Variants in DOK6 observed in about 807,000 individuals in gnomAD.
The protein encoded by DOK6 is downstream of tyrosine kinase 6.
Under a neutral mutation model 44.0 loss-of-function variants are expected in DOK6, and 22 were observed. That is an observed-to-expected ratio of 0.50 (90% CI 0.36 to 0.71). The LOEUF (loss-of-function observed/expected upper bound fraction) is 0.71, where lower values mean the gene tolerates loss of function less well. DOK6 is among the 30% of genes least tolerant of loss of function. DOK6 has a pLI of 0.00. For synonymous variants in DOK6, 166 were observed against 145.5 expected (o/e 1.14, Z -1.01); for missense variants, 340 against 416.4 (o/e 0.82, Z 1.60).
chr18:69,763,241 A>T (rs965860001), intron 7 of DOK6, among the ~76,000 whole-genome samples: 5 of 152,222 alleles, frequency 3.3e-5, no homozygotes, highest in Admixed American at 2.0e-4. Context: ...TAGCAGGTTG[A>T]GTTATGCCAC....
At chr18:69,471,725 A>C in intron 1 of DOK6, 1 of 152,160 alleles carries the variant, frequency 6.6e-6, no homozygotes, top group Non-Finnish European at 1.5e-5. Context: ...TAATCAATAA[A>C]TATCGAATGA....
At chr18:69,828,240 G>A (rs1472862007) in intron 7 of DOK6, among the ~76,000 whole-genome samples, 2 of 151,624 alleles carry the variant, frequency 1.3e-5, no homozygotes, top group African/African-American at 2.4e-5. Context: ...CATTCCTCTT[G>A]TTAATCAACA....
At chr18:69,559,445 C>T (rs17775300) in intron 1 of DOK6, among the ~76,000 whole-genome samples, 28,710 of 152,014 alleles carry the variant, frequency 0.19, 3,101 homozygotes, top group Middle Eastern at 0.35. Flanking sequence ...TCAATTAAGA[C>T]TCCAAATCCA....
chr18:69,557,478 G>C (rs1982716685), intron 1 of DOK6, among the ~76,000 whole-genome samples: 1 of 152,182 alleles, frequency 6.6e-6, no homozygotes, highest in Non-Finnish European at 1.5e-5. Flanking sequence ...CCTTGAAAAG[G>C]AGAAAGAACT....
rs529222850 is a variant in DOK6 at position 69,606,835 on chromosome 18, C to T, written c.289+7337C>T. ...CTGGAGTGCAGTGGCGCAATCTCGGCCCACTGCAACCTCCGCCTCCCAGGT... is the reference window on the plus strand; with the variant it reads ...CTGGAGTGCAGTGGCGCAATCTCGGTCCACTGCAACCTCCGCCTCCCAGGT... On this transcript the variant is annotated intron_variant, in intron 3 of 7. Coordinates refer to ENST00000382713, the MANE Select transcript of DOK6 (RefSeq NM_152721.6). Among the ~76,000 whole-genome samples the T allele has an allele frequency of 1.7e-3, 259 of 149,476 alleles. 2 individuals carry two copies. Among genetic ancestry groups the T allele is most frequent in the African/African-American group, 6.2e-3 (250 of 40,312 alleles).
In DOK6 at chr18:69,720,195, A is replaced by T. The variant is rs146892277; in HGVS notation, c.600-18770A>T. Among the ~76,000 whole-genome samples the T allele has an allele frequency of 2.2e-4, 34 of 152,218 alleles. No homozygotes were observed. In the East Asian group the frequency reaches 6.6e-3, roughly 29 times the overall value. Reference sequence around the variant, plus strand: ...CAGAGGGAGACTGACTCAAAAAAAAAATTTTTTTTTTAAAGCATGAAACCA... The same window carrying T: ...CAGAGGGAGACTGACTCAAAAAAAATATTTTTTTTTTAAAGCATGAAACCA... On this transcript the variant is annotated intron_variant, in intron 5 of 7. Transcript: ENST00000382713.
chr18:69,502,249 A>T (rs1470979793), intron 1 of DOK6, among the ~76,000 whole-genome samples: 2 of 152,108 alleles, frequency 1.3e-5, no homozygotes. Flanking sequence ...ACGAATTTGA[A>T]TGTCTGAAAA....
intron 1 of DOK6, among the ~76,000 whole-genome samples, chr18:69,541,559 T>C (rs1301678703): frequency 6.6e-6 from 1 of 151,508 alleles, no homozygotes; most frequent in African/African-American, 2.4e-5. Flanking sequence ...TCGATACTGG[T>C]CCTTTATTAA....
chr18:69,647,060 T>TATCTATCTGTCTACCCC (rs1555719739), intron 3 of DOK6, among the ~76,000 whole-genome samples: 1 of 137,446 alleles, frequency 7.3e-6, no homozygotes, highest in African/African-American at 2.7e-5. Flanking sequence ...CTGTCTATCC[T>TATCTATCTGTCTACCCC]ATCTGTCTAT....
chr18:69,482,705 C>A (rs1980463107), intron 1 of DOK6, among the ~76,000 whole-genome samples: 1 of 151,608 alleles, frequency 6.6e-6, no homozygotes, highest in African/African-American at 2.4e-5. Flanking sequence ...TGCTATGCAT[C>A]CTTATGTATA....
intron 7 of DOK6, among the ~76,000 whole-genome samples, chr18:69,790,228 G>A (rs1980551559): frequency 1.5e-5 from 2 of 131,796 alleles, no homozygotes; most frequent in South Asian, 5.4e-4. Flanking sequence ...AGAACACATG[G>A]ACACAGGGAG....
chr18:69,509,384 TC>T (rs1981285644), intron 1 of DOK6, among the ~76,000 whole-genome samples: 1 of 152,108 alleles, frequency 6.6e-6, no homozygotes, highest in Admixed American at 6.5e-5. Flanking sequence ...ACGCCTGTAA[TC>T]CCAGCACTTT....
chr18:69,689,794 T>C (rs1382372100), intron 4 of DOK6, among the ~76,000 whole-genome samples: 1 of 152,178 alleles, frequency 6.6e-6, no homozygotes, highest in Admixed American at 6.5e-5. Flanking sequence ...TATTGCATCT[T>C]AATTTACATT....
intron 1 of DOK6, among the ~76,000 whole-genome samples, chr18:69,433,299 T>C: frequency 6.6e-6 from 1 of 152,180 alleles, no homozygotes; most frequent in East Asian, 1.9e-4. Context: ...TCCTGAATTT[T>C]TTTTCTGAGA....
intron 1 of DOK6, among the ~76,000 whole-genome samples, chr18:69,526,994 C>A (rs867049504): frequency 6.6e-6 from 1 of 152,286 alleles, no homozygotes; most frequent in Middle Eastern, 3.4e-3. Context: ...ACCTTCTGCT[C>A]AGAAGAACAA....
At chr18:69,713,206 G>A (rs1348610792) in intron 5 of DOK6, among the ~76,000 whole-genome samples, 1 of 152,172 alleles carries the variant, frequency 6.6e-6, no homozygotes, top group Non-Finnish European at 1.5e-5. Flanking sequence ...TGTGGGAAAA[G>A]CACAAAGAAA....
At chr18:69,492,137 C>T (rs73969766) in intron 1 of DOK6, among the ~76,000 whole-genome samples, 5 of 152,022 alleles carry the variant, frequency 3.3e-5, no homozygotes, top group East Asian at 1.9e-4. Flanking sequence ...AGATAAACAA[C>T]GCATGTAAAA....
chr18:69,797,906 A>G (rs1980795487), intron 7 of DOK6, among the ~76,000 whole-genome samples: 1 of 152,144 alleles, frequency 6.6e-6, no homozygotes, highest in South Asian at 2.1e-4. Context: ...ATCAAAGAAA[A>G]GGAGTGAAAA....
intron 1 of DOK6, among the ~76,000 whole-genome samples, chr18:69,492,649 A>T (rs1031027085): frequency 4.0e-5 from 6 of 151,886 alleles, no homozygotes; most frequent in African/African-American, 1.5e-4. Context: ...TTTAGCTCCA[A>T]CTGAGAACAT....
Sources: allele counts gnomAD v4.1 joint callset (sites outside exome capture counted in the v4.1 genomes callset), GRCh38; gene constraint gnomAD v4.1.1; transcripts MANE v1.5; gene names NCBI Gene and HGNC (gene_info 2026-07-23, HGNC 2026-07-21).